MAGI2: variants seen among roughly 807,000 people sequenced by gnomAD.
MAGI2 encodes the protein membrane-associated guanylate kinase, WW and PDZ domain-containing protein 2.
Under a neutral mutation model 133.3 loss-of-function variants are expected in MAGI2, and 35 were observed. That is an observed-to-expected ratio of 0.26 (90% CI 0.20 to 0.35). The LOEUF (loss-of-function observed/expected upper bound fraction) is 0.35, where lower values mean the gene tolerates loss of function less well. MAGI2 is among the 10% of genes least tolerant of loss of function. The pLI is 1.00. For synonymous variants in MAGI2, 729 were observed against 710.6 expected (o/e 1.03, Z -0.41); for missense variants, 1,636 against 1,863.4 (o/e 0.88, Z 2.25).
chr7:78,581,409 A>C (rs1486849195), intron 3 of MAGI2, among the ~76,000 whole-genome samples: 1 of 152,162 alleles, frequency 6.6e-6, no homozygotes, highest in South Asian at 2.1e-4. Flanking sequence ...CGTGCTTTCC[A>C]GTAGTTTAAT....
At chr7:79,216,687 A>AAGGGGC (rs1176051042) in intron 1 of MAGI2, among the ~76,000 whole-genome samples, 3 of 152,070 alleles carry the variant, frequency 2.0e-5, no homozygotes, top group African/African-American at 7.3e-5. Flanking sequence ...CATGTCCTGC[A>AAGGGGC]AGGGGCGTCA....
intron 2 of MAGI2, among the ~76,000 whole-genome samples, chr7:78,864,304 C>T (rs573285075): frequency 6.6e-6 from 1 of 152,264 alleles, no homozygotes; most frequent in South Asian, 2.1e-4. Context: ...ATGCAGACAC[C>T]TCCTACTTTC....
chr7:78,511,675 A>G (rs1237576291), intron 4 of MAGI2, among the ~76,000 whole-genome samples: 1 of 150,940 alleles, frequency 6.6e-6, no homozygotes, highest in Non-Finnish European at 1.5e-5. Flanking sequence ...AGTTAGCAGT[A>G]ATAATTATCT....
chr7:78,679,745 T>A (rs1191279846), intron 2 of MAGI2, among the ~76,000 whole-genome samples: 1 of 152,096 alleles, frequency 6.6e-6, no homozygotes, highest in Admixed American at 6.6e-5. Context: ...ACGGAACCAT[T>A]AACATCTAGG....
intron 1 of MAGI2, among the ~76,000 whole-genome samples, chr7:79,263,659 A>G (rs1834231567): frequency 6.6e-6 from 1 of 152,158 alleles, no homozygotes; most frequent in Admixed American, 6.6e-5. Context: ...CCCTTGGAAT[A>G]GTGATTTAAG....
intron 1 of MAGI2, among the ~76,000 whole-genome samples, chr7:79,402,855 A>G (rs913051614): frequency 1.3e-5 from 2 of 152,126 alleles, no homozygotes; most frequent in Non-Finnish European, 2.9e-5. Flanking sequence ...ATAACTTTCC[A>G]TGGGTAATAT....
chr7:78,265,553 T>G (rs1261867386), intron 9 of MAGI2, among the ~76,000 whole-genome samples: 1 of 152,122 alleles, frequency 6.6e-6, no homozygotes, highest in Non-Finnish European at 1.5e-5. Flanking sequence ...CAAAAGATTT[T>G]CAAGAAGAAA....
In MAGI2 at chr7:78,893,479, C is replaced by G. The variant is rs1796939129; in HGVS notation, c.418+113611G>C. On this transcript the variant is annotated intron_variant, in intron 2 of 21. Coordinates refer to ENST00000354212, the MANE Select transcript of MAGI2 (RefSeq NM_012301.4). ...ACAATAGCAAAGACTTGGAACCAAC[C>G]CAAATGTCCAACAACGATAGACTGG... Among the ~76,000 whole-genome samples the G allele has an allele frequency of 2.6e-5, 4 of 152,152 alleles. No homozygotes were observed. The South Asian group carries it at 8.3e-4, about 32-fold the overall frequency.
At chr7:78,647,939 T>C (rs1811073313) in intron 2 of MAGI2, among the ~76,000 whole-genome samples, 1 of 152,046 alleles carries the variant, frequency 6.6e-6, no homozygotes, top group Non-Finnish European at 1.5e-5. Flanking sequence ...AAGTGGGAGT[T>C]GAACAATGAG....
chr7:78,308,079 G>A (rs907779103), intron 9 of MAGI2, among the ~76,000 whole-genome samples: 1 of 152,158 alleles, frequency 6.6e-6, no homozygotes, highest in East Asian at 1.9e-4. Context: ...TAAATAATGG[G>A]CAATGAATTT....
chr7:78,912,198 C>A (rs1158640750), intron 2 of MAGI2, among the ~76,000 whole-genome samples: 1 of 152,114 alleles, frequency 6.6e-6, no homozygotes, highest in Non-Finnish European at 1.5e-5. Context: ...TTGCTAGGAG[C>A]TGCCCTTGAC....
At chr7:79,082,371 T>C (rs899145985) in intron 1 of MAGI2, among the ~76,000 whole-genome samples, 12 of 152,078 alleles carry the variant, frequency 7.9e-5, no homozygotes, top group African/African-American at 2.9e-4. Flanking sequence ...TTAAGATTTA[T>C]GATACATTTT....
At chr7:79,160,136 C>G (rs1304818323) in intron 1 of MAGI2, among the ~76,000 whole-genome samples, 2 of 151,968 alleles carry the variant, frequency 1.3e-5, no homozygotes, top group African/African-American at 4.8e-5. Flanking sequence ...TCCCCATCCC[C>G]CACCACTGGA....
intron 14 of MAGI2, among the ~76,000 whole-genome samples, chr7:78,171,142 A>T (rs1374694047): frequency 1.3e-5 from 2 of 152,256 alleles, no homozygotes; most frequent in East Asian, 3.9e-4. Context: ...ATATCTCTCT[A>T]TTCTGAGAAA....
intron 6 of MAGI2, among the ~76,000 whole-genome samples, chr7:78,411,380 C>T (rs1012701468): frequency 5.9e-5 from 9 of 152,004 alleles, no homozygotes; most frequent in Middle Eastern, 3.4e-3. Context: ...AATTTTCCAG[C>T]GTTAAAAAAC....
chr7:78,094,465 G>A (rs2151226018), intron 20 of MAGI2, among the ~76,000 whole-genome samples: 1 of 152,206 alleles, frequency 6.6e-6, no homozygotes, highest in East Asian at 1.9e-4. Context: ...ATCTTGCATT[G>A]TTCTTTGGTG....
chr7:78,718,743 G>A (rs1259479091), intron 2 of MAGI2, among the ~76,000 whole-genome samples: 3 of 151,984 alleles, frequency 2.0e-5, no homozygotes, highest in Non-Finnish European at 4.4e-5. Context: ...AATGTAGTGT[G>A]CTTGAATCAT....
chr7:79,341,809 C>T (rs1382078662), intron 1 of MAGI2, among the ~76,000 whole-genome samples: 1 of 152,140 alleles, frequency 6.6e-6, no homozygotes, highest in Admixed American at 6.6e-5. Flanking sequence ...ACAGGTTGAA[C>T]TGATGTGCAC....
intron 6 of MAGI2, among the ~76,000 whole-genome samples, chr7:78,432,640 T>C (rs1177540642): frequency 2.0e-5 from 3 of 152,090 alleles, no homozygotes; most frequent in African/African-American, 7.2e-5. Context: ...CTACTGAGAA[T>C]TCCTCAAATG....
Sources: gnomAD v4.1 joint callset for allele counts (sites outside exome capture counted in the v4.1 genomes callset) on GRCh38, gnomAD v4.1.1 for gene constraint, MANE v1.5 for transcripts, NCBI Gene and HGNC (gene_info 2026-07-23, HGNC 2026-07-21) for gene names.